Variants in CNTNAP5 observed in about 807,000 individuals in gnomAD.
CNTNAP5 encodes contactin associated protein family member 5, also known as contactin-associated protein-like 5.
CNTNAP5 carries 72 observed loss-of-function variants against 150.2 expected under a neutral mutation model. The observed-to-expected ratio is 0.48, with a 90% CI of 0.40 to 0.58. CNTNAP5 has a LOEUF of 0.58. Ranked by LOEUF, CNTNAP5 falls within the 20% of genes least tolerant of loss-of-function variation. CNTNAP5 has a pLI of 0.00. For synonymous variants in CNTNAP5, 672 were observed against 619.8 expected, an observed-to-expected ratio of 1.08 and a Z score of -1.25; for missense variants, 1,636 against 1,626.2, an observed-to-expected ratio of 1.01 and a Z score of -0.10.
chr2:124,868,149 C>T (rs930488621), intron 20 of CNTNAP5, among the ~76,000 whole-genome samples: 2 of 152,110 alleles, frequency 1.3e-5, no homozygotes, highest in Admixed American at 6.6e-5. Flanking sequence ...CTTTAGGTTC[C>T]CTGGCTGTCT....
At chr2:124,869,403 G>C (rs1677698054) in intron 20 of CNTNAP5, among the ~76,000 whole-genome samples, 1 of 152,162 alleles carries the variant, frequency 6.6e-6, no homozygotes, top group South Asian at 2.1e-4. Flanking sequence ...GAAAATCTCT[G>C]TGGGGAGATA....
At chr2:124,202,391 T>C (rs994134558) in intron 1 of CNTNAP5, among the ~76,000 whole-genome samples, 1 of 152,146 alleles carries the variant, frequency 6.6e-6, no homozygotes, top group Non-Finnish European at 1.5e-5. Flanking sequence ...AAAACTTTGG[T>C]TTTTAAAATG....
intron 7 of CNTNAP5, among the ~76,000 whole-genome samples, chr2:124,489,877 A>AGTC: frequency 6.6e-6 from 1 of 152,240 alleles, no homozygotes; most frequent in South Asian, 2.1e-4. Context: ...CCTTCCAGTA[A>AGTC]GTCCCATCCA....
At position 124,472,748 on chromosome 2, in the gene CNTNAP5, A is replaced by G. The variant is rs536242252; in HGVS notation, c.919-1991A>G. ...ATTATAGTCTATTAAGTGTGCAATA[A>G]TCACATTATATTTGAAATATATATG... On this transcript the variant is annotated intron_variant, in intron 6 of 23. Transcript: ENST00000682447. 6.6e-5 allele frequency among the ~76,000 whole-genome samples: 10 copies of G among 151,972 alleles called. No homozygotes were observed. In the East Asian group the frequency reaches 1.9e-3, roughly 29 times the overall value.
chr2:124,519,042 G>T (rs1694795391), intron 8 of CNTNAP5, among the ~76,000 whole-genome samples: 1 of 145,704 alleles, frequency 6.9e-6, no homozygotes. Flanking sequence ...CTACGTGGAT[G>T]AATCTTAAAA....
In CNTNAP5 at chr2:124,845,400, T is replaced by G. The variant is rs577540178; in HGVS notation, c.3218-19906T>G. On this transcript the variant is annotated intron_variant, in intron 19 of 23. Transcript: ENST00000682447. ...GGTTGGCTGGTATTTTGTTAAAAAT[T>G]TTTGCATCTATGTTCATTGGGGATA... Among the ~76,000 whole-genome samples, 6 of 152,158 alleles carry G rather than the reference T, an allele frequency of 3.9e-5. No individual in the cohort carries two copies. In the East Asian group the frequency reaches 7.7e-4, roughly 20 times the overall value.
chr2:124,768,481 A>C (rs1681116903), intron 16 of CNTNAP5, among the ~76,000 whole-genome samples: 1 of 152,154 alleles, frequency 6.6e-6, no homozygotes, highest in African/African-American at 2.4e-5. Flanking sequence ...AATACTACTA[A>C]TAATTACACT....
At position 124,690,258 on chromosome 2, in the gene CNTNAP5, G is replaced by C. The variant is rs79710157; in HGVS notation, c.2077+42300G>C. On this transcript the variant is annotated intron_variant, in intron 13 of 23. Transcript: ENST00000682447. ...TTAATTATTTAGATTCATTCAGAGTGCATTTTGATTCAAGTGGTCTTACTA... is the reference window on the plus strand; with the variant it reads ...TTAATTATTTAGATTCATTCAGAGTCCATTTTGATTCAAGTGGTCTTACTA... 2.6e-4 allele frequency among the ~76,000 whole-genome samples: 39 copies of C among 152,162 alleles called. No individual in the cohort carries two copies. The East Asian group carries it at 7.5e-3, about 29-fold the overall frequency.
At chr2:124,588,177 C>CTTCCTTCCTTCTTTCT (rs1558966029) in intron 11 of CNTNAP5, among the ~76,000 whole-genome samples, 9 of 110,926 alleles carry the variant, frequency 8.1e-5, no homozygotes, top group Non-Finnish European at 1.6e-4. Context: ...TCCTTCCTTC[C>CTTCCTTCCTTCTTTCT]TTCTTTCTTT....
chr2:124,867,629 G>A (rs1342794470), intron 20 of CNTNAP5, among the ~76,000 whole-genome samples: 1 of 151,890 alleles, frequency 6.6e-6, no homozygotes, highest in Admixed American at 6.6e-5. Context: ...CTCTTTTGTT[G>A]GTTTCCCATC....
chr2:124,243,508 T>G (rs1686939842), intron 3 of CNTNAP5, among the ~76,000 whole-genome samples: 1 of 152,204 alleles, frequency 6.6e-6, no homozygotes, highest in Admixed American at 6.5e-5. Flanking sequence ...ATCCTGAGAA[T>G]AGTATTAATG....
At chr2:124,767,387 T>C (rs540294275) in intron 16 of CNTNAP5, among the ~76,000 whole-genome samples, 1 of 152,194 alleles carries the variant, frequency 6.6e-6, no homozygotes, top group Admixed American at 6.6e-5. Context: ...CAAGTCTTAG[T>C]GAATGTGTTT....
At chr2:124,267,280 A>G (rs943504128) in intron 3 of CNTNAP5, among the ~76,000 whole-genome samples, 3 of 152,240 alleles carry the variant, frequency 2.0e-5, no homozygotes, top group African/African-American at 7.2e-5. Context: ...ATATTTGCGA[A>G]GGAATGACTG....
chr2:124,435,071 A>G (rs1692494483), intron 5 of CNTNAP5, among the ~76,000 whole-genome samples: 1 of 152,188 alleles, frequency 6.6e-6, no homozygotes, highest in African/African-American at 2.4e-5. Flanking sequence ...TGACGGGGAA[A>G]CATTTTGGTT....
intron 19 of CNTNAP5, among the ~76,000 whole-genome samples, chr2:124,805,930 C>T (rs1233588964): frequency 6.6e-6 from 1 of 152,072 alleles, no homozygotes; most frequent in East Asian, 1.9e-4. Context: ...AGAGGCCCAC[C>T]CTAATAACTT....
intron 3 of CNTNAP5, among the ~76,000 whole-genome samples, chr2:124,409,638 G>T (rs1238771466): frequency 8.1e-6 from 1 of 122,876 alleles, no homozygotes; most frequent in Non-Finnish European, 1.7e-5. Flanking sequence ...AGCTTCATAA[G>T]TGAAGGAGAA....
chr2:124,062,419 T>A (rs2104654903), intron 1 of CNTNAP5, among the ~76,000 whole-genome samples: 1 of 152,312 alleles, frequency 6.6e-6, no homozygotes, highest in African/African-American at 2.4e-5. Flanking sequence ...TGTTTTCTCC[T>A]TGAGGAAGTT....
intron 14 of CNTNAP5, among the ~76,000 whole-genome samples, chr2:124,757,826 A>C (rs902455422): frequency 1.3e-5 from 2 of 152,170 alleles, no homozygotes; most frequent in African/African-American, 4.8e-5. Flanking sequence ...AGTGCCTCTA[A>C]TTTAGGGATC....
intron 1 of CNTNAP5, among the ~76,000 whole-genome samples, chr2:124,075,818 T>C (rs1682423434): frequency 6.6e-6 from 1 of 152,128 alleles, no homozygotes; most frequent in African/African-American, 2.4e-5. Context: ...CTTATGTATG[T>C]GGTGATTTGT....
Sources: gnomAD v4.1 joint callset for allele counts (sites outside exome capture counted in the v4.1 genomes callset) on GRCh38, gnomAD v4.1.1 for gene constraint, MANE v1.5 for transcripts, NCBI Gene and HGNC (gene_info 2026-07-23, HGNC 2026-07-21) for gene names.